IPO8: variants seen among roughly 807,000 people sequenced by gnomAD.
IPO8 encodes importin-8.
In IPO8, 65 loss-of-function variants were observed where a neutral mutation model predicts 141.2. The observed-to-expected ratio is 0.46, with a 90% CI of 0.38 to 0.57. The LOEUF (loss-of-function observed/expected upper bound fraction) is 0.57, where lower values mean the gene tolerates loss of function less well. IPO8 is among the 20% of genes least tolerant of loss of function. IPO8 has a pLI of 0.00. For missense variants in IPO8, 980 were observed against 1,246.8 expected (o/e 0.79, Z 3.22); for synonymous variants, 411 against 420.3 (o/e 0.98, Z 0.27).
At chr12:30,633,127 T>C (rs1329154553) in intron 23 of IPO8, among the ~76,000 whole-genome samples, 1 of 152,232 alleles carries the variant, frequency 6.6e-6, no homozygotes, top group African/African-American at 2.4e-5. Context: ...GTTTCCTGTG[T>C]TCTCTGCCTC....
At chr12:30,641,493 C>T (rs1023055182) in intron 20 of IPO8, among the ~76,000 whole-genome samples, 44 of 135,030 alleles carry the variant, frequency 3.3e-4, no homozygotes, top group Non-Finnish European at 4.9e-4. Context: ...TAAGCTATTT[C>T]TTTTTTTTTT....
At chr12:30,692,212 A>G (rs2053297155) in intron 1 of IPO8, among the ~76,000 whole-genome samples, 1 of 152,240 alleles carries the variant, frequency 6.6e-6, no homozygotes, top group South Asian at 2.1e-4. Flanking sequence ...TATTCCACAC[A>G]TACAAAATAA....
At chr12:30,640,882 T>A (rs1420837621) in intron 20 of IPO8, among the ~76,000 whole-genome samples, 1 of 152,162 alleles carries the variant, frequency 6.6e-6, no homozygotes, top group Non-Finnish European at 1.5e-5. Flanking sequence ...AAAGAAGCCA[T>A]AAATGTTTGA....
chr12:30,643,777 C>T (rs958903619), intron 20 of IPO8, among the ~76,000 whole-genome samples: 1 of 152,242 alleles, frequency 6.6e-6, no homozygotes, highest in African/African-American at 2.4e-5. Context: ...CCTTCCACCA[C>T]GTTGTGGTAC....
chr12:30,657,462 C>A (rs1380126774), intron 16 of IPO8, among the ~76,000 whole-genome samples: 2 of 152,072 alleles, frequency 1.3e-5, no homozygotes, highest in Non-Finnish European at 2.9e-5. Context: ...ATGGTATACA[C>A]AATGAAGGAC....
chr12:30,683,445 T>G (rs921355990), intron 3 of IPO8, among the ~76,000 whole-genome samples: 5 of 152,146 alleles, frequency 3.3e-5, no homozygotes, highest in African/African-American at 1.2e-4. Flanking sequence ...ATTAAAAAAT[T>G]TCATTCCTCT....
intron 1 of IPO8, among the ~76,000 whole-genome samples, chr12:30,691,991 A>G (rs1373171611): frequency 6.6e-6 from 1 of 152,236 alleles, no homozygotes; most frequent in Non-Finnish European, 1.5e-5. Flanking sequence ...ATTTCAAAGC[A>G]GTTTTTAAGA....
chr12:30,667,336 G>A (rs1011487168), intron 10 of IPO8, among the ~76,000 whole-genome samples: 1 of 152,188 alleles, frequency 6.6e-6, no homozygotes, highest in Non-Finnish European at 1.5e-5. Context: ...GCAGGTAAGT[G>A]ACCAAACCAG....
At chr12:30,675,593 C>T (rs895949174) in intron 6 of IPO8, among the ~76,000 whole-genome samples, 4 of 151,130 alleles carry the variant, frequency 2.6e-5, no homozygotes, top group Non-Finnish European at 5.9e-5. Flanking sequence ...TTTGGGAGGC[C>T]GAGGTGGGTG....
chr12:30,655,367 A>G (rs1186859692), intron 17 of IPO8, among the ~76,000 whole-genome samples: 1 of 152,214 alleles, frequency 6.6e-6, no homozygotes, highest in African/African-American at 2.4e-5. Flanking sequence ...TAAAAATTGT[A>G]TCTATGATTT....
intron 5 of IPO8, 72 bp downstream of exon 5, chr12:30,680,410 C>T: frequency 8.5e-7 from 1 of 1,181,868 alleles, no homozygotes. Context: ...ATAAGTGACA[C>T]TTATTGAGCA....
chr12:30,634,742 A>C (rs1345205063), intron 22 of IPO8, among the ~76,000 whole-genome samples: 4 of 152,194 alleles, frequency 2.6e-5, no homozygotes. Flanking sequence ...GTTGATTATA[A>C]AGTGCTTAGA....
chr12:30,687,029 T>G (rs1458145252), intron 2 of IPO8, among the ~76,000 whole-genome samples: 1 of 152,116 alleles, frequency 6.6e-6, no homozygotes, highest in African/African-American at 2.4e-5. Context: ...CAAAGATAAC[T>G]GTTACCATAT....
chr12:30,665,719 T>C lies in IPO8; in HGVS notation c.1338+10A>G, dbSNP rs2052953516. ...TGTTATTAAGTAAATTAAATTTTGA[T>C]TATCTTAACCTTCAGTAAAATCTCA... is the stretch of plus-strand genomic sequence containing the variant. On this transcript the variant is annotated intron_variant, in intron 12 of 24. Transcript: ENST00000256079. 6.6e-7 allele frequency: 1 copy of C among 1,503,774 alleles called. No individual in the cohort carries two copies. Among genetic ancestry groups the C allele is most frequent in the South Asian group, 1.1e-5 (1 of 87,926 alleles). The allele number at this position is 1,503,774 out of a possible 1,614,324, so 93.2% of individuals were successfully genotyped here. A position where few individuals can be genotyped will look rare whatever the true frequency, so the allele number is the denominator to read the frequency against.
At position 30,684,532 on chromosome 12, in the gene IPO8, G is replaced by A. The variant is rs2053221165; in HGVS notation, c.167-75C>T. On this transcript the variant is annotated intron_variant, in intron 2 of 24. Coordinates refer to ENST00000256079, the MANE Select transcript of IPO8 (RefSeq NM_006390.4). ...TAATTCAGCCTTACAGAGCATGAAA[G>A]TCCAAACCCTTCAATGTTAAACATG... is the stretch of plus-strand genomic sequence containing the variant. 6 of 1,417,702 alleles carry A rather than the reference G, an allele frequency of 4.2e-6. No homozygotes were observed. The Admixed American group carries it at 7.6e-5, about 18-fold the overall frequency. 87.8% of individuals were successfully genotyped at this position (1,417,702 alleles called of 1,614,324 possible).
chr12:30,631,380 C>A (rs1484808555), intron 24 of IPO8, among the ~76,000 whole-genome samples: 2 of 152,158 alleles, frequency 1.3e-5, no homozygotes, highest in African/African-American at 2.4e-5. Flanking sequence ...ACTACAAAAT[C>A]TTTTCCAATG....
chr12:30,678,411 C>A (rs900345064), intron 5 of IPO8, among the ~76,000 whole-genome samples: 4 of 152,082 alleles, frequency 2.6e-5, no homozygotes, highest in Admixed American at 2.6e-4. Context: ...CTATTACTTA[C>A]CATTGAGTTA....
chr12:30,636,996 T>A lies in IPO8; in HGVS notation c.2681A>T (p.Asp894Val), dbSNP rs750902439. 3 of 1,613,788 alleles carry A rather than the reference T, an allele frequency of 1.9e-6. No individual in the cohort carries two copies. Among genetic ancestry groups the A allele is most frequent in the Admixed American group, 3.3e-5 (2 of 60,028 alleles). Residue 894 changes from aspartate (D) to valine (V), a missense_variant, in exon 22 of 25, where the codon GAT (aspartate) becomes GTT (valine). Physicochemically the swap from Asp to Val is radical, Grantham distance 152. This residue lies in a region of IPO8 where 924 missense variants were observed against 1,153.9 expected (regional missense o/e 0.80). Transcript: ENST00000256079. Reference protein sequence around the residue: ...REDRSKAEKADMEENEEISSD... With the variant: ...REDRSKAEKAVMEENEEISSD... ...GAAGACTTTACCATTTTCTTCCATA[T>A]CAGCTTTCTCTGCTTTTGAACGATC...
At chr12:30,667,917 A>T (rs2052989909) in intron 10 of IPO8, among the ~76,000 whole-genome samples, 1 of 152,168 alleles carries the variant, frequency 6.6e-6, no homozygotes, top group Non-Finnish European at 1.5e-5. Context: ...CAAGAGGATC[A>T]CTTAAGCCAG....
Sources: gnomAD v4.1 joint callset for allele counts (sites outside exome capture counted in the v4.1 genomes callset) on GRCh38, gnomAD v4.1.1 for gene constraint, gnomAD v4.1.1 regional missense constraint, MANE v1.5 for transcripts, NCBI Gene and HGNC (gene_info 2026-07-23, HGNC 2026-07-21) for gene names.